IFT57: variants seen among roughly 807,000 people sequenced by gnomAD.
The protein encoded by IFT57 is intraflagellar transport protein 57 homolog.
IFT57 carries 59 observed loss-of-function variants against 56.8 expected under a neutral mutation model. That is an observed-to-expected ratio of 1.04 (90% CI 0.84 to 1.29). The LOEUF is 1.29. Among genes scored for constraint, IFT57 ranks in the 50% most tolerant of loss-of-function variants. The pLI is 0.00. For missense variants in IFT57, 470 were observed against 522.1 expected (o/e 0.90, Z 0.97); for synonymous variants, 209 against 186.1 (o/e 1.12, Z -1.00).
At chr3:108,211,697 C>T (rs540976976) in intron 4 of IFT57, among the ~76,000 whole-genome samples, 1 of 152,278 alleles carries the variant, frequency 6.6e-6, no homozygotes, top group South Asian at 2.1e-4. Flanking sequence ...TTACAATGGT[C>T]TTTTTCCTTC....
intron 5 of IFT57, among the ~76,000 whole-genome samples, chr3:108,204,294 A>G (rs925014838): frequency 6.6e-6 from 1 of 151,870 alleles, no homozygotes; most frequent in Admixed American, 6.6e-5. Flanking sequence ...ACAACTATAC[A>G]TAGTCTTAGC....
At chr3:108,207,802 G>C (rs572893329) in intron 4 of IFT57, among the ~76,000 whole-genome samples, 2 of 152,256 alleles carry the variant, frequency 1.3e-5, no homozygotes, top group African/African-American at 2.4e-5. Flanking sequence ...CCAGCACTTT[G>C]GGAGGCCGAG....
At chr3:108,200,995 C>G (rs1222213146) in intron 5 of IFT57, among the ~76,000 whole-genome samples, 1 of 152,160 alleles carries the variant, frequency 6.6e-6, no homozygotes, top group Non-Finnish European at 1.5e-5. Context: ...GAAGCCCATA[C>G]TCTATGCCAG....
chr3:108,194,903 G>A (rs2080235463), intron 5 of IFT57, among the ~76,000 whole-genome samples: 1 of 152,150 alleles, frequency 6.6e-6, no homozygotes, highest in Non-Finnish European at 1.5e-5. Flanking sequence ...CAGAACATTG[G>A]TCTGGGCAAA....
At chr3:108,173,808 G>GTA (rs61048320) in intron 6 of IFT57, among the ~76,000 whole-genome samples, 2,005 of 126,992 alleles carry the variant, frequency 0.016, 52 homozygotes, top group African/African-American at 0.051. Flanking sequence ...GTGTGTGTGT[G>GTA]TATATAATAT....
Position 108,203,960 on chromosome 3 carries a change from T to C in IFT57, c.654+2668A>G, listed in dbSNP as rs116898605. Among the ~76,000 whole-genome samples the C allele has an allele frequency of 7.9e-5, 12 of 152,332 alleles. 1 individual carries two copies. The East Asian group carries it at 2.3e-3, about 29-fold the overall frequency. ...AGTCACTTTCCTTGACAGTATGTAT[T>C]GTTTTTGTTCTAGTGAAGAATTCAT... On this transcript the variant is annotated intron_variant, in intron 5 of 10. Coordinates refer to ENST00000264538, the MANE Select transcript of IFT57 (RefSeq NM_018010.4).
chr3:108,218,361 A>G, intron 3 of IFT57, 174 bp downstream of exon 3: 1 of 429,578 alleles, frequency 2.3e-6, no homozygotes, highest in Admixed American at 3.4e-5. Flanking sequence ...TTAGTTTTGA[A>G]GACGTGAGAC....
chr3:108,166,819 C>G (rs773042034), intron 8 of IFT57, 35 bp downstream of exon 8: 1 of 1,591,406 alleles, frequency 6.3e-7, no homozygotes, highest in Non-Finnish European at 8.6e-7. Context: ...GGGTTGTTAA[C>G]TTGAATAAAT....
At chr3:108,195,810 G>C (rs1002429102) in intron 5 of IFT57, among the ~76,000 whole-genome samples, 2 of 152,132 alleles carry the variant, frequency 1.3e-5, no homozygotes, top group African/African-American at 4.8e-5. Context: ...ATGGTTACCA[G>C]AGATTGAGAA....
chr3:108,202,850 G>A (rs1560120418), intron 5 of IFT57, among the ~76,000 whole-genome samples: 2 of 152,178 alleles, frequency 1.3e-5, no homozygotes, highest in African/African-American at 4.8e-5. Context: ...ATTGTTATAA[G>A]CATTCATCAT....
At chr3:108,196,518 T>A (rs191743647) in intron 5 of IFT57, among the ~76,000 whole-genome samples, 76 of 152,302 alleles carry the variant, frequency 5.0e-4, no homozygotes, top group African/African-American at 1.7e-3. Context: ...AAACACTGCA[T>A]TAAGATATGC....
chr3:108,221,617 A>G (rs1296995259), intron 1 of IFT57, among the ~76,000 whole-genome samples: 2 of 152,206 alleles, frequency 1.3e-5, no homozygotes, highest in Non-Finnish European at 2.9e-5. Flanking sequence ...CAGGATCCTA[A>G]GTACCCACGG....
chr3:108,220,568 C>G (rs1403879102), intron 1 of IFT57, among the ~76,000 whole-genome samples: 1 of 152,106 alleles, frequency 6.6e-6, no homozygotes, highest in East Asian at 1.9e-4. Context: ...TTCAAAGCAC[C>G]CACCCACCAA....
intron 1 of IFT57, 97 bp downstream of exon 1, chr3:108,222,014 T>A: frequency 1.6e-5 from 25 of 1,515,916 alleles, no homozygotes; most frequent in Non-Finnish European, 1.9e-5. Flanking sequence ...AAGGAATTGC[T>A]AACCCGCTCT....
chr3:108,162,211 T>C lies in IFT57; in HGVS notation c.*266A>G, dbSNP rs1418605610. On this transcript the variant is annotated 3_prime_UTR_variant, in exon 11 of 11. Transcript: ENST00000264538. The stretch of plus-strand genomic sequence containing the variant: ...ACCTTGGCTTACACAAGGAATGCTA[T>C]GAAAAATGAGCCACCAGGTGGGAGC... The C allele has an allele frequency of 6.7e-6, 2 of 297,370 alleles. No individual in the cohort carries two copies. Among genetic ancestry groups the C allele is most frequent in the Non-Finnish European group, 1.3e-5 (2 of 158,458 alleles). The allele number at this position is 297,370 out of a possible 1,614,324, so 18.4% of individuals were successfully genotyped here.
chr3:108,207,763 G>A (rs1449613335), intron 4 of IFT57, among the ~76,000 whole-genome samples: 1 of 152,132 alleles, frequency 6.6e-6, no homozygotes, highest in African/African-American at 2.4e-5. Context: ...ATGGGGGTTG[G>A]CCGGGCGCGA....
chr3:108,205,796 T>C (rs2080306181), intron 5 of IFT57, among the ~76,000 whole-genome samples: 2 of 134,414 alleles, frequency 1.5e-5, no homozygotes, highest in Admixed American at 1.6e-4. Flanking sequence ...TTATATAATA[T>C]ACAAAATATT....
intron 5 of IFT57, among the ~76,000 whole-genome samples, chr3:108,206,245 TTTTA>T (rs1307237994): frequency 1.3e-5 from 2 of 150,564 alleles, no homozygotes; most frequent in Non-Finnish European, 1.5e-5. Flanking sequence ...TCTTAATCCA[TTTTA>T]TTTAAAGAGC....
Position 108,222,197 on chromosome 3 carries a change from C to A in IFT57, c.126G>T (p.Val42=), listed in dbSNP as rs1162649888. ...RGPGAAYHMF[V]VMEDLVEKLK... ...GCTTCTCCACCAAGTCCTCCATCAC[C>A]ACGAACATGTGGTAGGCCGCGCCGG... The change falls in exon 1 of 11, where the codon GTG becomes GTT. Residue 42 remains valine, a synonymous_variant. Transcript: ENST00000264538. The A allele has an allele frequency of 3.7e-6, 6 of 1,614,164 alleles. No individual in the cohort carries two copies. Among genetic ancestry groups the A allele is most frequent in the Non-Finnish European group, 5.1e-6 (6 of 1,180,016 alleles).
Sources: allele counts gnomAD v4.1 joint callset (sites outside exome capture counted in the v4.1 genomes callset), GRCh38; gene constraint gnomAD v4.1.1; transcripts MANE v1.5; gene names NCBI Gene and HGNC (gene_info 2026-07-23, HGNC 2026-07-21).